Variants in ZNF320 observed in about 807,000 individuals in gnomAD.
ZNF320 encodes the protein zinc finger protein 320, also known as zinc finger gene 320.
ZNF320 carries 2 observed loss-of-function variants against 6.8 expected under a neutral mutation model. The ratio of observed to expected loss-of-function variants is 0.29; its 90% CI spans 0.12 to 0.93. The LOEUF is 0.93. Ranked by LOEUF, ZNF320 falls within the 40% of genes least tolerant of loss-of-function variation. ZNF320 has a pLI of 0.55. For synonymous variants in ZNF320, 208 were observed against 203.2 expected, an observed-to-expected ratio of 1.02 and a Z score of -0.20; for missense variants, 472 against 611.0, an observed-to-expected ratio of 0.77 and a Z score of 2.40.
rs567589389 is a variant in ZNF320, at chr19:52,879,066, T to G, written c.*1530A>C. 2.3e-4 allele frequency: 35 copies of G among 152,352 alleles called. No homozygotes were observed. The highest frequency in any genetic ancestry group is 8.4e-4 in the African/African-American group (35 of 41,592). The allele number at this position is 152,352 out of a possible 1,614,324, so 9.4% of individuals were successfully genotyped here. Reference sequence around the variant, plus strand: ...TTGATTGAGTCTCTTTTCAAACTCATGTCTTACCCATCTGAGTGCCTCAAA... The same window carrying G: ...TTGATTGAGTCTCTTTTCAAACTCAGGTCTTACCCATCTGAGTGCCTCAAA... On this transcript the variant is annotated 3_prime_UTR_variant, in exon 6 of 6. Transcript: ENST00000682928.
In ZNF320 at chr19:52,881,234, C is replaced by T; in HGVS notation, c.892G>A (p.Glu298Lys). 6.2e-7 allele frequency: 1 copy of T among 1,614,216 alleles called. No individual in the cohort carries two copies. The highest frequency in any genetic ancestry group is 8.5e-7 in the Non-Finnish European group (1 of 1,180,050). The change falls in exon 6 of 6, where the codon GAG (glutamate) becomes AAG (lysine). Residue 298 changes from glutamate (E) to lysine (K), a missense_variant. Around this residue, in one of 2 missense-constraint regions of ZNF320, gnomAD observed 462 missense variants for 559.7 expected, o/e 0.83. Coordinates refer to ENST00000682928, the MANE Select transcript of ZNF320 (RefSeq NM_001351774.2). Reference protein sequence around the residue: ...LVIHKAVHTAEKPYKCNECGK... With the variant: ...LVIHKAVHTAKKPYKCNECGK... Reference sequence around the variant, plus strand: ...CATTCATTACACTTATAGGGTTTCTCTGCAGTATGAACTGCCTTATGAATT... The same window carrying T: ...CATTCATTACACTTATAGGGTTTCTTTGCAGTATGAACTGCCTTATGAATT...
In ZNF320 at chr19:52,881,803, T is replaced by G; in HGVS notation, c.323A>C (p.Asp108Ala). 6.2e-7 allele frequency: 1 copy of G among 1,613,882 alleles called. No homozygotes were observed. Among genetic ancestry groups the G allele is most frequent in the Non-Finnish European group, 8.5e-7 (1 of 1,179,832 alleles). Residue 108 changes from aspartate (D) to alanine (A), a missense_variant, in exon 6 of 6, where the codon GAC becomes GCC. Physicochemically the swap from Asp to Ala is moderately radical, Grantham distance 126. Coordinates refer to ENST00000682928, the MANE Select transcript of ZNF320 (RefSeq NM_001351774.2). ...VFQWQEDETN[D>A]HEAPMTEIKK... ...TATTTCTGTCATGGGTGCTTCATGG[T>G]CATTTGTTTCATCTTCTTGCCACTG...
downstream of ZNF320, among the ~76,000 whole-genome samples, chr19:52,874,469 A>G (rs1162641900): frequency 6.6e-6 from 1 of 152,168 alleles, no homozygotes; most frequent in African/African-American, 2.4e-5. Flanking sequence ...GCCATAGTAA[A>G]TATTACTGAG....
chr19:52,898,391 G>A (rs978713527), upstream of ZNF320, among the ~76,000 whole-genome samples: 1 of 152,188 alleles, frequency 6.6e-6, no homozygotes, highest in African/African-American at 2.4e-5. Flanking sequence ...GGAAGCAGGA[G>A]CCGCAAGACC....
intron 2 of ZNF320, among the ~76,000 whole-genome samples, chr19:52,891,809 T>TGA (rs1268991067): frequency 6.6e-6 from 1 of 152,144 alleles, no homozygotes; most frequent in Non-Finnish European, 1.5e-5. Flanking sequence ...GGGGACATAT[T>TGA]CACCGAGTTA....
At chr19:52,861,377 A>G (rs1287538190) in exon 6 of ZNF320, among the ~76,000 whole-genome samples, 1 of 152,242 alleles carries the variant, frequency 6.6e-6, no homozygotes, top group Non-Finnish European at 1.5e-5. Context: ...AAATAGAGAT[A>G]GAACCCATAT....
At chr19:52,900,859 TAA>T (rs909150443), upstream of ZNF320, among the ~76,000 whole-genome samples, 29 of 152,116 alleles carry the variant, frequency 1.9e-4, no homozygotes, top group African/African-American at 5.8e-4. Context: ...CCAAATGACA[TAA>T]GACTAGTATT....
downstream of ZNF320, among the ~76,000 whole-genome samples, chr19:52,873,174 C>T (rs2063710419): frequency 6.6e-6 from 1 of 152,112 alleles, no homozygotes; most frequent in African/African-American, 2.4e-5. Context: ...AGGCCTTTCT[C>T]TTTCGCTAAT....
intron 5 of ZNF320, 101 bp from the exon 6 acceptor site, chr19:52,882,084 C>T (rs1279325395): frequency 3.2e-6 from 4 of 1,233,114 alleles, no homozygotes; most frequent in Non-Finnish European, 4.4e-6. Flanking sequence ...TTATTTTAAA[C>T]TTCCCAAACA....
exon 6 of ZNF320, chr19:52,862,961 G>A (rs2063494308): frequency 4.9e-6 from 1 of 202,200 alleles, no homozygotes; most frequent in Non-Finnish European, 1.0e-5. Flanking sequence ...TTGAACCCAA[G>A]GCAGAGATTG....
At chr19:52,885,289 A>G (rs1299626849) in intron 5 of ZNF320, among the ~76,000 whole-genome samples, 1 of 152,174 alleles carries the variant, frequency 6.6e-6, no homozygotes, top group Non-Finnish European at 1.5e-5. Flanking sequence ...GTAAATAAAA[A>G]AAACGGGTAG....
chr19:52,864,633 C>T (rs1405048450), intron 5 of ZNF320, among the ~76,000 whole-genome samples: 1 of 152,056 alleles, frequency 6.6e-6, no homozygotes, highest in Non-Finnish European at 1.5e-5. Context: ...CTCCTCTTCT[C>T]CCAGGAGGCA....
At chr19:52,900,627 C>T (rs2147916344), upstream of ZNF320, among the ~76,000 whole-genome samples, 1 of 152,196 alleles carries the variant, frequency 6.6e-6, no homozygotes, top group East Asian at 1.9e-4. Context: ...AATACTGGTT[C>T]TGGAGAGCAT....
At chr19:52,886,343 C>G (rs1344540288) in intron 5 of ZNF320, among the ~76,000 whole-genome samples, 2 of 152,110 alleles carry the variant, frequency 1.3e-5, no homozygotes, top group African/African-American at 4.8e-5. Context: ...TCATGCTACC[C>G]AGGCTGGTTC....
At chr19:52,901,010 A>G (rs2064569632), upstream of ZNF320, among the ~76,000 whole-genome samples, 1 of 151,974 alleles carries the variant, frequency 6.6e-6, no homozygotes, top group Non-Finnish European at 1.5e-5. Context: ...TCAAATTTTA[A>G]GGTTATATTT....
chr19:52,884,707 C>T (rs1568717657), intron 5 of ZNF320, among the ~76,000 whole-genome samples: 1 of 152,118 alleles, frequency 6.6e-6, no homozygotes, highest in African/African-American at 2.4e-5. Flanking sequence ...CCACCTTGGT[C>T]TTTGAAAGTG....
chr19:52,868,285 T>C (rs999488658), intron 5 of ZNF320, among the ~76,000 whole-genome samples: 1 of 152,058 alleles, frequency 6.6e-6, no homozygotes, highest in Non-Finnish European at 1.5e-5. Flanking sequence ...GGTGGGTGGA[T>C]CACCTGAGGT....
chr19:52,899,502 A>G (rs553739144), upstream of ZNF320, among the ~76,000 whole-genome samples: 24 of 151,940 alleles, frequency 1.6e-4, no homozygotes, highest in South Asian at 1.3e-3. Context: ...TCGCTCTGTC[A>G]CCCAGGCTGG....
At chr19:52,895,472 CAAACA>C (rs1312966033) in intron 1 of ZNF320, 1 of 151,568 alleles carries the variant, frequency 6.6e-6, no homozygotes, top group Non-Finnish European at 1.5e-5. Context: ...TCAAAACAAA[CAAACA>C]AAATAGGTCC....
Sources: allele counts gnomAD v4.1 joint callset (sites outside exome capture counted in the v4.1 genomes callset), GRCh38; gene constraint gnomAD v4.1.1; regional missense constraint gnomAD v4.1.1; transcripts MANE v1.5; gene names NCBI Gene and HGNC (gene_info 2026-07-23, HGNC 2026-07-21).